Variants in DNER observed in about 807,000 individuals in gnomAD.
DNER encodes delta and Notch-like epidermal growth factor-related receptor.
DNER carries 33 observed loss-of-function variants against 78.2 expected under a neutral mutation model. The ratio of observed to expected loss-of-function variants is 0.42; its 90% CI spans 0.32 to 0.56. The LOEUF (loss-of-function observed/expected upper bound fraction) is 0.56, where lower values mean the gene tolerates loss of function less well. Among genes scored for constraint, DNER ranks in the 20% least tolerant of loss-of-function variants. The probability of loss-of-function intolerance (pLI) is 0.11; values close to 1 mark genes in which losing one functional copy is unlikely to be tolerated. For synonymous variants in DNER, 417 were observed against 384.8 expected, an observed-to-expected ratio of 1.08 and a Z score of -0.98; for missense variants, 918 against 975.3, an observed-to-expected ratio of 0.94 and a Z score of 0.78.
At chr2:229,398,583 G>T (rs936577396) in intron 10 of DNER, among the ~76,000 whole-genome samples, 1 of 151,978 alleles carries the variant, frequency 6.6e-6, no homozygotes, top group Non-Finnish European at 1.5e-5. Context: ...TTGTGTCTAC[G>T]TTCATATTAA....
At chr2:229,604,882 A>C (rs1268910930) in intron 1 of DNER, among the ~76,000 whole-genome samples, 2 of 152,118 alleles carry the variant, frequency 1.3e-5, no homozygotes, top group Non-Finnish European at 2.9e-5. Flanking sequence ...AAGGAAAATG[A>C]GGAAAAATTC....
chr2:229,629,767 G>A (rs528766042), intron 1 of DNER, among the ~76,000 whole-genome samples: 28 of 152,324 alleles, frequency 1.8e-4, no homozygotes, highest in African/African-American at 6.5e-4. Context: ...GCAGTGAGGT[G>A]GCATTCTGAA....
At chr2:229,370,743 C>T (rs1342880136) in intron 11 of DNER, among the ~76,000 whole-genome samples, 1 of 152,218 alleles carries the variant, frequency 6.6e-6, no homozygotes, top group Non-Finnish European at 1.5e-5. Flanking sequence ...TTAGCATCAA[C>T]ACAAGGGCAG....
intron 5 of DNER, among the ~76,000 whole-genome samples, chr2:229,525,764 C>T (rs1373690430): frequency 2.0e-5 from 3 of 152,150 alleles, no homozygotes; most frequent in Non-Finnish European, 2.9e-5. Context: ...AGGCATGTGC[C>T]ACCACGCCTG....
chr2:229,638,866 A>T (rs1350957208), intron 1 of DNER, among the ~76,000 whole-genome samples: 1 of 152,258 alleles, frequency 6.6e-6, no homozygotes, highest in Non-Finnish European at 1.5e-5. Context: ...TTAAGAAAAT[A>T]AATTCCAAAG....
intron 1 of DNER, among the ~76,000 whole-genome samples, chr2:229,623,919 C>T (rs1168911182): frequency 6.6e-6 from 1 of 152,232 alleles, no homozygotes; most frequent in African/African-American, 2.4e-5. Flanking sequence ...AAACAGATGT[C>T]CCATATTATC....
At chr2:229,573,502 A>G (rs764389223) in intron 4 of DNER, among the ~76,000 whole-genome samples, 17 of 152,194 alleles carry the variant, frequency 1.1e-4, no homozygotes, top group Non-Finnish European at 1.9e-4. Context: ...GTCAAAAGTA[A>G]ATGATCATCT....
intron 11 of DNER, among the ~76,000 whole-genome samples, chr2:229,369,277 TAAAA>T (rs1202958464): frequency 4.0e-5 from 6 of 150,656 alleles, no homozygotes; most frequent in African/African-American, 1.5e-4. Context: ...TCTAAAAAGT[TAAAA>T]AAAAGTTTTA....
At chr2:229,416,532 C>G (rs998062583) in intron 9 of DNER, among the ~76,000 whole-genome samples, 1 of 152,086 alleles carries the variant, frequency 6.6e-6, no homozygotes, top group South Asian at 2.1e-4. Flanking sequence ...AATGGGGGGG[C>G]CAGCTCAGCC....
At chr2:229,436,320 T>C (rs1694118862) in intron 8 of DNER, among the ~76,000 whole-genome samples, 1 of 152,216 alleles carries the variant, frequency 6.6e-6, no homozygotes, top group South Asian at 2.1e-4. Flanking sequence ...ATTGTGTATA[T>C]GTACCACTTT....
At chr2:229,689,072 T>G (rs1699528786) in intron 1 of DNER, among the ~76,000 whole-genome samples, 1 of 152,122 alleles carries the variant, frequency 6.6e-6, no homozygotes, top group Non-Finnish European at 1.5e-5. Context: ...GGCTGATAGG[T>G]GCAGCAAACC....
intron 4 of DNER, among the ~76,000 whole-genome samples, chr2:229,554,871 AGAAG>A (rs1696821485): frequency 1.9e-5 from 1 of 52,116 alleles, no homozygotes; most frequent in African/African-American, 7.8e-5. Context: ...AGAAGAGAAG[AGAAG>A]AGAAGAGAAG....
intron 5 of DNER, among the ~76,000 whole-genome samples, chr2:229,521,286 G>A (rs1696092257): frequency 1.3e-5 from 2 of 152,176 alleles, no homozygotes; most frequent in Non-Finnish European, 2.9e-5. Flanking sequence ...AGCCATCAGT[G>A]GGAGGAAGAC....
At chr2:229,451,784 A>C (rs770338698) in intron 7 of DNER, among the ~76,000 whole-genome samples, 12 of 152,232 alleles carry the variant, frequency 7.9e-5, no homozygotes, top group Non-Finnish European at 1.8e-4. Flanking sequence ...ACCAGGACTT[A>C]TGTTTCTATC....
chr2:229,531,748 A>G (rs942430818), intron 5 of DNER, among the ~76,000 whole-genome samples: 2 of 152,374 alleles, frequency 1.3e-5, no homozygotes, highest in Admixed American at 6.5e-5. Context: ...AGCCAAAGGT[A>G]GAAACAACCC....
rs543487646 is a variant in DNER at position 229,433,586 on chromosome 2, G to A, written c.1486+13730C>T. 7.2e-5 allele frequency among the ~76,000 whole-genome samples: 11 copies of A among 152,232 alleles called. No homozygotes were observed. In the East Asian group the frequency reaches 1.9e-3, roughly 27 times the overall value. On this transcript the variant is annotated intron_variant, in intron 8 of 12. Transcript: ENST00000341772. ...GTCACACATGCCTAAGCGGAATGAGGATAAACAAGTTCATATTCAAATTCG... is the reference window on the plus strand; with the variant it reads ...GTCACACATGCCTAAGCGGAATGAGAATAAACAAGTTCATATTCAAATTCG...
In DNER at chr2:229,616,064, T is replaced by C. The variant is rs1018412234; in HGVS notation, c.277-24176A>G. ...GTTGTTACCCAAATAGATACAAGTA[T>C]ATTTTTATTAAAAACTGCAAAACTG... is the stretch of plus-strand genomic sequence containing the variant. On this transcript the variant is annotated intron_variant, in intron 1 of 12. Coordinates refer to ENST00000341772, the MANE Select transcript of DNER (RefSeq NM_139072.4). 3.3e-5 allele frequency among the ~76,000 whole-genome samples: 5 copies of C among 152,380 alleles called. No individual in the cohort carries two copies. The East Asian group carries it at 5.8e-4, about 18-fold the overall frequency.
chr2:229,558,220 C>A (rs1696889511), intron 4 of DNER, among the ~76,000 whole-genome samples: 1 of 151,960 alleles, frequency 6.6e-6, no homozygotes, highest in Non-Finnish European at 1.5e-5. Context: ...CACACTGGCG[C>A]CTTTTGGAGG....
At position 229,547,664 on chromosome 2, in the gene DNER, G is replaced by A. The variant is rs1043148610; in HGVS notation, c.848-572C>T. 1.1e-4 allele frequency among the ~76,000 whole-genome samples: 17 copies of A among 152,248 alleles called. 1 individual carries two copies. In the South Asian group the frequency reaches 1.9e-3, roughly 17 times the overall value. On this transcript the variant is annotated intron_variant, in intron 4 of 12. Coordinates refer to ENST00000341772, the MANE Select transcript of DNER (RefSeq NM_139072.4). The stretch of plus-strand genomic sequence containing the variant: ...GGTTTATTGATCATTGATAAGATAT[G>A]CATCTTACTTGATCACCAATCTGAC...
Sources: allele counts gnomAD v4.1 joint callset (sites outside exome capture counted in the v4.1 genomes callset), GRCh38; gene constraint gnomAD v4.1.1; transcripts MANE v1.5; gene names NCBI Gene and HGNC (gene_info 2026-07-23, HGNC 2026-07-21).